Variants in GNA12 observed in about 807,000 individuals in gnomAD.
The protein encoded by GNA12 is G protein subunit alpha 12.
GNA12 carries 9 observed loss-of-function variants against 26.0 expected under a neutral mutation model. The observed-to-expected ratio is 0.35, with a 90% CI of 0.21 to 0.60. The LOEUF is 0.60. GNA12 is among the 20% of genes least tolerant of loss of function. The pLI is 0.78. For missense variants in GNA12, 405 were observed against 525.8 expected, an observed-to-expected ratio of 0.77 and a Z score of 2.25; for synonymous variants, 264 against 219.6, an observed-to-expected ratio of 1.20 and a Z score of -1.79.
chr7:2,734,693 G>A (rs1294323371), intron 2 of GNA12, among the ~76,000 whole-genome samples: 3 of 152,212 alleles, frequency 2.0e-5, no homozygotes, highest in African/African-American at 7.2e-5. Context: ...ACTTTAGAAC[G>A]AAGGCCTCTG....
chr7:2,763,914 G>A (rs545656171), intron 2 of GNA12, among the ~76,000 whole-genome samples: 94 of 152,322 alleles, frequency 6.2e-4, no homozygotes, highest in Non-Finnish European at 1.1e-3. Flanking sequence ...TTGCTTTAGA[G>A]TCTTGGTTAA....
At chr7:2,742,402 A>C (rs1310564620) in intron 2 of GNA12, among the ~76,000 whole-genome samples, 1 of 151,992 alleles carries the variant, frequency 6.6e-6, no homozygotes, top group Non-Finnish European at 1.5e-5. Flanking sequence ...GACAGTTTCG[A>C]GATGATTTTC....
At chr7:2,747,188 G>T (rs535803913) in intron 2 of GNA12, among the ~76,000 whole-genome samples, 2 of 152,286 alleles carry the variant, frequency 1.3e-5, no homozygotes, top group Non-Finnish European at 2.9e-5. Context: ...GCATCATCCT[G>T]ATACCAAAGC....
intron 2 of GNA12, among the ~76,000 whole-genome samples, chr7:2,769,049 G>A (rs1489482671): frequency 6.6e-6 from 1 of 152,092 alleles, no homozygotes; most frequent in East Asian, 1.9e-4. Flanking sequence ...GATTACAGGT[G>A]TGCACCACCA....
In GNA12 at chr7:2,820,396, T is replaced by C. The variant is rs952805146; in HGVS notation, c.309+23457A>G. Among the ~76,000 whole-genome samples, 63 of 132,434 alleles carry C rather than the reference T, an allele frequency of 4.8e-4. 1 individual carries two copies. Among genetic ancestry groups the C allele is most frequent in the African/African-American group, 1.7e-3 (60 of 35,304 alleles). The allele number at this position is 132,434 out of a possible 152,430, so 86.9% of individuals were successfully genotyped here. On this transcript the variant is annotated intron_variant, in intron 1 of 3. Coordinates refer to ENST00000275364, the MANE Select transcript of GNA12 (RefSeq NM_007353.3). Reference sequence around the variant, plus strand: ...GTATGATATGTGAGTTATAGCTCAATAAAGCTTTTTTTTTTTTTTTTTTAA... The same window carrying C: ...GTATGATATGTGAGTTATAGCTCAACAAAGCTTTTTTTTTTTTTTTTTTAA...
chr7:2,760,970 C>T (rs542439171), intron 2 of GNA12, among the ~76,000 whole-genome samples: 3 of 152,342 alleles, frequency 2.0e-5, no homozygotes, highest in African/African-American at 4.8e-5. Flanking sequence ...ACAGTCTTGA[C>T]GAAGTTGCTT....
At chr7:2,740,819 C>T (rs1372057507) in intron 2 of GNA12, among the ~76,000 whole-genome samples, 1 of 152,124 alleles carries the variant, frequency 6.6e-6, no homozygotes, top group African/African-American at 2.4e-5. Flanking sequence ...CCGAGGCGGA[C>T]GGATCACGAG....
intron 2 of GNA12, chr7:2,762,922 G>C: frequency 7.1e-7 from 1 of 1,409,780 alleles, no homozygotes; most frequent in Non-Finnish European, 9.3e-7. Flanking sequence ...GCCACAGGCG[G>C]GGACGCCCCA....
chr7:2,825,547 G>A (rs1793464615), intron 1 of GNA12, among the ~76,000 whole-genome samples: 1 of 152,222 alleles, frequency 6.6e-6, no homozygotes, highest in African/African-American at 2.4e-5. Context: ...CTGGAGAGAA[G>A]GGAGCTATCT....
At chr7:2,758,344 C>A (rs1421468232) in intron 2 of GNA12, among the ~76,000 whole-genome samples, 1 of 152,166 alleles carries the variant, frequency 6.6e-6, no homozygotes, top group Non-Finnish European at 1.5e-5. Context: ...CATCCTCATA[C>A]GTCGTGTGGC....
At chr7:2,803,841 A>T (rs1020913826) in intron 1 of GNA12, among the ~76,000 whole-genome samples, 5 of 152,064 alleles carry the variant, frequency 3.3e-5, no homozygotes, top group African/African-American at 1.2e-4. Context: ...ACTCCAAACC[A>T]ATCCAGATTT....
At position 2,794,959 on chromosome 7, in the gene GNA12, T is replaced by A; in HGVS notation, c.494A>T (p.Glu165Val). ...SALWRDSGIR[E>V]AFSRRSEFQL... ...AAACTCGCTTCTCCGGCTGAAAGCCTCCCTGATGCCAGAATCCCTCCAGAG... is the reference window on the plus strand; with the variant it reads ...AAACTCGCTTCTCCGGCTGAAAGCCACCCTGATGCCAGAATCCCTCCAGAG... Residue 165 changes from glutamate to valine, a missense_variant, in exon 2 of 4, where the codon GAG becomes GTG. Transcript: ENST00000275364. 1 of 1,614,180 alleles carries A rather than the reference T, an allele frequency of 6.2e-7. No homozygotes were observed. Among genetic ancestry groups the A allele is most frequent in the Non-Finnish European group, 8.5e-7 (1 of 1,180,018 alleles).
At chr7:2,764,737 C>T (rs184965773) in intron 2 of GNA12, 5 of 152,246 alleles carry the variant, frequency 3.3e-5, no homozygotes, top group Non-Finnish European at 4.4e-5. Flanking sequence ...CCAGTAGCTT[C>T]AGCCACAGCT....
intron 2 of GNA12, among the ~76,000 whole-genome samples, chr7:2,772,021 C>G (rs1361732298): frequency 6.6e-6 from 1 of 152,214 alleles, no homozygotes; most frequent in Non-Finnish European, 1.5e-5. Context: ...TGTGTCATGA[C>G]TGATGACGTC....
At chr7:2,790,454 C>T (rs1184980050) in intron 2 of GNA12, among the ~76,000 whole-genome samples, 2 of 152,216 alleles carry the variant, frequency 1.3e-5, no homozygotes, top group Non-Finnish European at 2.9e-5. Flanking sequence ...CAATTATTTG[C>T]TTGCATGTCT....
intron 2 of GNA12, among the ~76,000 whole-genome samples, chr7:2,788,079 A>G (rs1022279781): frequency 2.3e-4 from 35 of 152,104 alleles, no homozygotes; most frequent in Admixed American, 3.3e-4. Flanking sequence ...GCTTGAACCC[A>G]GGAGGCAGAG....
intron 2 of GNA12, chr7:2,775,280 A>AT: frequency 6.6e-6 from 1 of 152,216 alleles, no homozygotes; most frequent in South Asian, 2.1e-4. Context: ...GCTGCTTTTA[A>AT]TTTTGCAGCC....
intron 2 of GNA12, among the ~76,000 whole-genome samples, chr7:2,755,641 C>G (rs1180351815): frequency 6.6e-6 from 1 of 152,194 alleles, no homozygotes; most frequent in Non-Finnish European, 1.5e-5. Context: ...TATGACTTTT[C>G]TGGTAGATTC....
intron 2 of GNA12, among the ~76,000 whole-genome samples, chr7:2,750,146 C>T (rs1039424925): frequency 5.3e-5 from 8 of 152,142 alleles, no homozygotes; most frequent in South Asian, 2.1e-4. Flanking sequence ...TCAGACTCTC[C>T]GGTCTGACAT....
Sources: allele counts gnomAD v4.1 joint callset (sites outside exome capture counted in the v4.1 genomes callset), GRCh38; gene constraint gnomAD v4.1.1; transcripts MANE v1.5; gene names NCBI Gene and HGNC (gene_info 2026-07-23, HGNC 2026-07-21).